The following DCLK1 variants were observed in gnomAD, a reference collection of about 807,000 sequenced individuals.
The protein encoded by DCLK1 is serine/threonine-protein kinase DCLK1.
Under a neutral mutation model 86.2 loss-of-function variants are expected in DCLK1, and 16 were observed. That is an observed-to-expected ratio of 0.19 (90% CI 0.13 to 0.28). DCLK1 has a LOEUF of 0.28. Ranked by LOEUF, DCLK1 falls within the 10% of genes least tolerant of loss-of-function variation. The pLI is 1.00. For missense variants in DCLK1, 590 were observed against 940.2 expected (o/e 0.63, Z 4.87); for synonymous variants, 369 against 370.5 (o/e 1.00, Z 0.05).
At chr13:35,942,625 G>A (rs534034754) in intron 4 of DCLK1, among the ~76,000 whole-genome samples, 6 of 152,248 alleles carry the variant, frequency 3.9e-5, no homozygotes, top group Admixed American at 2.6e-4. Flanking sequence ...GATCTCCTCC[G>A]GCACATTTGA....
intron 3 of DCLK1, among the ~76,000 whole-genome samples, chr13:36,054,620 G>C (rs1215733916): frequency 4.6e-5 from 7 of 152,088 alleles, no homozygotes; most frequent in Non-Finnish European, 1.0e-4. Context: ...TAAGATAAAA[G>C]GACAGAGTAA....
intron 3 of DCLK1, among the ~76,000 whole-genome samples, chr13:35,993,117 G>T (rs1880310974): frequency 6.6e-6 from 1 of 152,232 alleles, no homozygotes; most frequent in East Asian, 1.9e-4. Flanking sequence ...AGCCTCCTAC[G>T]CACTGTCATA....
At chr13:35,904,363 TG>T (rs1409914377) in intron 4 of DCLK1, among the ~76,000 whole-genome samples, 1 of 152,316 alleles carries the variant, frequency 6.6e-6, no homozygotes, top group African/African-American at 2.4e-5. Context: ...GGCTAATTTT[TG>T]TATTTTTAGT....
intron 4 of DCLK1, among the ~76,000 whole-genome samples, chr13:35,946,151 T>G (rs1877371888): frequency 6.6e-6 from 1 of 152,132 alleles, no homozygotes; most frequent in Non-Finnish European, 1.5e-5. Context: ...CAGCTAGGAC[T>G]GCAGGCGTGC....
chr13:36,114,469 A>G (rs1293945434), intron 2 of DCLK1, among the ~76,000 whole-genome samples: 1 of 152,214 alleles, frequency 6.6e-6, no homozygotes, highest in Non-Finnish European at 1.5e-5. Context: ...AGGAAGGAGA[A>G]GGAGCTGCCA....
At chr13:35,919,141 C>T (rs185061451) in intron 4 of DCLK1, among the ~76,000 whole-genome samples, 179 of 152,198 alleles carry the variant, frequency 1.2e-3, no homozygotes, top group African/African-American at 4.1e-3. Context: ...ATCCGCCTGC[C>T]TCAGCCTCCC....
intron 7 of DCLK1, among the ~76,000 whole-genome samples, chr13:35,837,562 A>T (rs1023498800): frequency 3.3e-5 from 5 of 152,010 alleles, no homozygotes; most frequent in African/African-American, 1.2e-4. Flanking sequence ...CAGATGACAC[A>T]ATCTTAAGGC....
chr13:36,005,159 A>T lies in DCLK1; in HGVS notation c.724-57702T>A. Reference sequence around the variant, plus strand: ...GCATTTACTTAGAGGTTTCTAAGTAAGGTAACTTTCACATGTGTCCTGAAA... The same window carrying T: ...GCATTTACTTAGAGGTTTCTAAGTATGGTAACTTTCACATGTGTCCTGAAA... On this transcript the variant is annotated intron_variant, in intron 3 of 16. Transcript: ENST00000360631. 1.3e-5 allele frequency among the ~76,000 whole-genome samples: 2 copies of T among 152,208 alleles called. 1 individual carries two copies. The highest frequency in any genetic ancestry group is 3.8e-4 in the East Asian group (2 of 5,202).
intron 3 of DCLK1, among the ~76,000 whole-genome samples, chr13:36,041,967 C>T (rs554375475): frequency 6.6e-6 from 1 of 152,176 alleles, no homozygotes. Context: ...TCTTCTCTTG[C>T]CCCATATTTG....
At chr13:35,825,674 A>C (rs2153105587) in intron 10 of DCLK1, among the ~76,000 whole-genome samples, 1 of 152,324 alleles carries the variant, frequency 6.6e-6, no homozygotes. Flanking sequence ...TGTTAGTTTA[A>C]AAATTAACAT....
chr13:35,803,656 G>A (rs896664536), intron 15 of DCLK1, among the ~76,000 whole-genome samples: 2 of 152,128 alleles, frequency 1.3e-5, no homozygotes, highest in African/African-American at 4.8e-5. Context: ...CCCATATGTA[G>A]TCACCTGACA....
chr13:35,824,150 C>T (rs916651856), intron 10 of DCLK1, among the ~76,000 whole-genome samples: 5 of 152,072 alleles, frequency 3.3e-5, no homozygotes, highest in African/African-American at 1.2e-4. Flanking sequence ...TCCACCAGTC[C>T]CAGTTATCTG....
intron 3 of DCLK1, among the ~76,000 whole-genome samples, chr13:36,108,563 T>A (rs1885489637): frequency 6.6e-6 from 1 of 152,206 alleles, no homozygotes; most frequent in Non-Finnish European, 1.5e-5. Flanking sequence ...AGGCTCCGGC[T>A]TTCATGGTTC....
chr13:35,811,107 TAC>T, intron 11 of DCLK1, 139 bp from the exon 12 acceptor site: 1 of 1,031,810 alleles, frequency 9.7e-7, no homozygotes, highest in Non-Finnish European at 1.4e-6. Context: ...AGAATGGATA[TAC>T]ATACAAAATA....
At chr13:35,858,978 T>C (rs941263869) in intron 5 of DCLK1, among the ~76,000 whole-genome samples, 1 of 152,252 alleles carries the variant, frequency 6.6e-6, no homozygotes, top group African/African-American at 2.4e-5. Context: ...GAATCACTGC[T>C]GGGATAAATA....
intron 4 of DCLK1, among the ~76,000 whole-genome samples, chr13:35,875,100 AT>A (rs1284974596): frequency 2.0e-5 from 3 of 152,164 alleles, no homozygotes; most frequent in Non-Finnish European, 4.4e-5. Context: ...CTTTTTGCTA[AT>A]TTTTATTTCA....
intron 3 of DCLK1, among the ~76,000 whole-genome samples, chr13:36,102,902 A>G (rs1317109709): frequency 6.6e-6 from 1 of 152,206 alleles, no homozygotes; most frequent in African/African-American, 2.4e-5. Context: ...GTCACAAGAC[A>G]GGAAAGCACA....
intron 5 of DCLK1, among the ~76,000 whole-genome samples, chr13:35,859,127 A>T (rs1377388368): frequency 6.6e-6 from 1 of 152,222 alleles, no homozygotes; most frequent in Non-Finnish European, 1.5e-5. Flanking sequence ...TTAAAATGGC[A>T]TTATTTTTTC....
chr13:35,884,816 G>A (rs1873130792), intron 4 of DCLK1, among the ~76,000 whole-genome samples: 2 of 152,160 alleles, frequency 1.3e-5, no homozygotes, highest in South Asian at 2.1e-4. Context: ...AACTCCAGGT[G>A]TGTCATTCAC....
Sources: allele counts gnomAD v4.1 joint callset (sites outside exome capture counted in the v4.1 genomes callset), GRCh38; gene constraint gnomAD v4.1.1; transcripts MANE v1.5; gene names NCBI Gene and HGNC (gene_info 2026-07-23, HGNC 2026-07-21).